KMT2C: variants seen among roughly 807,000 people sequenced by gnomAD.
The protein encoded by KMT2C is lysine methyltransferase 2C, also known as histone-lysine N-methyltransferase 2C.
In KMT2C, 88 loss-of-function variants were observed where a neutral mutation model predicts 507.9. The observed-to-expected ratio is 0.17, with a 90% confidence interval of 0.15 to 0.21. The LOEUF (loss-of-function observed/expected upper bound fraction) is 0.21. Ranked by LOEUF, KMT2C falls within the 10% of genes least tolerant of loss-of-function variation. KMT2C has a pLI of 1.00. For missense variants in KMT2C, 4,954 were observed against 5,957.8 expected (o/e 0.83, Z 5.55); for synonymous variants, 2,049 against 2,080.8 (o/e 0.98, Z 0.42).
Position 152,152,746 on chromosome 7 carries a change from C to A in KMT2C, c.12485G>T (p.Arg4162Leu), listed in dbSNP as rs144883836. Residue 4162 changes from arginine to leucine, a missense_variant, in exon 49 of 59, where the codon CGG becomes CTG. By Grantham distance (102) the Arg-to-Leu change is moderately radical. Transcript: ENST00000262189. ...AAATGGTACATTAGGCTGCTTCAGC[C>A]GGTAAGAGCTCACTAATCTGGGAGG... ...ANPPRLVSSYRLKQPNVPFPP... is the reference protein window; with the variant it reads ...ANPPRLVSSYLLKQPNVPFPP... 1.9e-6 allele frequency: 3 copies of A among 1,614,186 alleles called. No homozygotes were observed. The Admixed American group carries it at 5.0e-5, about 27-fold the overall frequency.
intron 2 of KMT2C, among the ~76,000 whole-genome samples, chr7:152,332,151 C>T (rs1341667679): frequency 1.3e-5 from 2 of 152,140 alleles, no homozygotes; most frequent in East Asian, 1.9e-4. Context: ...CTCCTTGAAT[C>T]CAACCCCAAA....
chr7:152,427,647 A>T (rs2116769973), intron 1 of KMT2C, among the ~76,000 whole-genome samples: 1 of 152,172 alleles, frequency 6.6e-6, no homozygotes, highest in African/African-American at 2.4e-5. Context: ...ATATATTCTG[A>T]TTTCCTTTCT....
At chr7:152,269,823 G>A (rs2095927903) in intron 7 of KMT2C, among the ~76,000 whole-genome samples, 1 of 152,132 alleles carries the variant, frequency 6.6e-6, no homozygotes, top group Admixed American at 6.5e-5. Context: ...AGAAAAGTGA[G>A]AGGAAACAAA....
At chr7:152,205,950 C>T (rs577003674) in intron 24 of KMT2C, among the ~76,000 whole-genome samples, 13 of 152,224 alleles carry the variant, frequency 8.5e-5, no homozygotes, top group Admixed American at 2.6e-4. Context: ...TTCAGGGGGA[C>T]GGTGTCTGGT....
intron 6 of KMT2C, among the ~76,000 whole-genome samples, chr7:152,303,100 T>C (rs921950775): frequency 1.3e-5 from 2 of 152,146 alleles, no homozygotes. Flanking sequence ...ACGTTACCCT[T>C]CCTGAAACAC....
At chr7:152,357,035 C>T (rs534525394) in intron 2 of KMT2C, among the ~76,000 whole-genome samples, 3 of 151,488 alleles carry the variant, frequency 2.0e-5, no homozygotes, top group African/African-American at 7.3e-5. Context: ...CGAGACCAGC[C>T]TCGTCAACAT....
intron 49 of KMT2C, 80 bp from the exon 50 acceptor site, chr7:152,151,661 C>A (rs2091630463): frequency 1.1e-5 from 11 of 1,035,574 alleles, no homozygotes; most frequent in South Asian, 1.6e-5. Flanking sequence ...TATGCAGTAT[C>A]AACTCATTAC....
intron 32 of KMT2C, 86 bp from the exon 33 acceptor site, chr7:152,187,562 A>G: frequency 7.0e-7 from 1 of 1,425,340 alleles, no homozygotes; most frequent in Non-Finnish European, 9.7e-7. Context: ...AAAACCTATT[A>G]CAAAACAGTT....
intron 11 of KMT2C, among the ~76,000 whole-genome samples, chr7:152,251,364 G>A (rs1329179114): frequency 2.0e-5 from 3 of 152,286 alleles, no homozygotes; most frequent in African/African-American, 7.2e-5. Flanking sequence ...TTCTGGAAAT[G>A]AAAGGTTAGT....
intron 6 of KMT2C, among the ~76,000 whole-genome samples, chr7:152,293,484 T>A (rs1278792956): frequency 6.6e-6 from 1 of 152,244 alleles, no homozygotes; most frequent in Non-Finnish European, 1.5e-5. Context: ...TATACAACTA[T>A]ATAAAATAAG....
At position 152,270,864 on chromosome 7, in the gene KMT2C, T is replaced by C. The variant is rs560053785; in HGVS notation, c.1012+2841A>G. Among the ~76,000 whole-genome samples, 4 of 152,328 alleles carry C rather than the reference T, an allele frequency of 2.6e-5. No homozygotes were observed. In the South Asian group the frequency reaches 8.3e-4, roughly 32 times the overall value. The stretch of plus-strand genomic sequence containing the variant: ...TGTTTCCTGAAGAAAATCTTGGCCT[T>C]CTTCACAGATACTCTCTTTAGTGAA... On this transcript the variant is annotated intron_variant, in intron 7 of 58. Transcript: ENST00000262189.
chr7:152,359,626 T>G (rs1043750433), intron 1 of KMT2C, among the ~76,000 whole-genome samples: 1 of 150,134 alleles, frequency 6.7e-6, no homozygotes, highest in South Asian at 2.1e-4. Flanking sequence ...AATTCAAAAA[T>G]TAGGCAAACA....
chr7:152,169,214 A>G lies in KMT2C; in HGVS notation c.9489T>C (p.Asn3163=), dbSNP rs2092855394. 1 of 1,600,920 alleles carries G rather than the reference A, an allele frequency of 6.2e-7. No homozygotes were observed. The highest frequency in any genetic ancestry group is 8.6e-7 in the Non-Finnish European group (1 of 1,168,206). ...CAAAGCCTGGACCAAAATTTGGAGG[A>G]TTAGGCCTAGAAATCTGATGTGTTA... The part of the protein sequence containing the change: ...GSITHQISRP[N]PPNFGPGFVN... Residue 3163 remains asparagine (N), a synonymous_variant, in exon 41 of 59, where the codon AAT becomes AAC. Coordinates refer to ENST00000262189, the MANE Select transcript of KMT2C (RefSeq NM_170606.3).
In KMT2C at chr7:152,144,086, T is replaced by C. The variant is rs2090868529; in HGVS notation, c.14343+627A>G. On this transcript the variant is annotated intron_variant, in intron 55 of 58. Coordinates refer to ENST00000262189, the MANE Select transcript of KMT2C (RefSeq NM_170606.3). This position sits in a 1 kb window ranked among gnomAD's most constrained non-coding sequence, Gnocchi z 4.4. The stretch of plus-strand genomic sequence containing the variant: ...CGGTAACATCACTCAGCAAGGAGCT[T>C]GTAGGATGGCGGGGTTTAGGAGCTG... 1.3e-5 allele frequency among the ~76,000 whole-genome samples: 2 copies of C among 152,168 alleles called. No homozygotes were observed. Among genetic ancestry groups the C allele is most frequent in the Admixed American group, 6.5e-5 (1 of 15,278 alleles).
At chr7:152,255,123 A>ACATATACTCACT (rs2095630701) in intron 9 of KMT2C, among the ~76,000 whole-genome samples, 1 of 112,632 alleles carries the variant, frequency 8.9e-6, no homozygotes, top group African/African-American at 4.8e-5. Context: ...ATATATATAT[A>ACATATACTCACT]TATATATATA....
Position 152,187,329 on chromosome 7 carries a change from T to C in KMT2C, c.4941A>G (p.Glu1647=). 6.2e-7 allele frequency: 1 copy of C among 1,614,076 alleles called. No individual in the cohort carries two copies. Among genetic ancestry groups the C allele is most frequent in the South Asian group, 1.1e-5 (1 of 91,078 alleles). Residue 1647 remains glutamate, a synonymous_variant, in exon 33 of 59, where the codon GAA becomes GAG. Coordinates refer to ENST00000262189, the MANE Select transcript of KMT2C (RefSeq NM_170606.3). ...AGAGAACTGGGGCAACAGTTGCCAT[T>C]TCACCCAGAGCCTCCTCTTTCTCCC... ...LKWEKEEALG[E]MATVAPVLYT...
chr7:152,429,714 T>C (rs2097849799), intron 1 of KMT2C, among the ~76,000 whole-genome samples: 1 of 150,964 alleles, frequency 6.6e-6, no homozygotes, highest in South Asian at 2.1e-4. Flanking sequence ...AGAGACGGGG[T>C]TTCACCATAT....
At chr7:152,287,065 G>C (rs973262618) in intron 6 of KMT2C, among the ~76,000 whole-genome samples, 3 of 152,186 alleles carry the variant, frequency 2.0e-5, no homozygotes, top group African/African-American at 7.2e-5. Context: ...TGATACCACA[G>C]CAGGCCAACT....
intron 8 of KMT2C, among the ~76,000 whole-genome samples, chr7:152,263,351 A>C (rs2095811047): frequency 6.6e-6 from 1 of 152,186 alleles, no homozygotes; most frequent in Non-Finnish European, 1.5e-5. Flanking sequence ...TGCTCTAGCC[A>C]TTTTAGGATT....
Sources: allele counts gnomAD v4.1 joint callset (sites outside exome capture counted in the v4.1 genomes callset), GRCh38; gene constraint gnomAD v4.1.1; non-coding constraint Gnocchi (gnomAD v3.1); transcripts MANE v1.5; gene names NCBI Gene and HGNC (gene_info 2026-07-23, HGNC 2026-07-21).